The following MALT1 variants were observed in gnomAD, a reference collection of about 807,000 sequenced individuals.
MALT1 encodes MALT1 paracaspase, also known as mucosa-associated lymphoid tissue lymphoma translocation protein 1.
A neutral mutation model predicts 85.5 loss-of-function variants in MALT1; 36 were observed. The observed-to-expected ratio is 0.42, with a 90% confidence interval of 0.32 to 0.56. The LOEUF (loss-of-function observed/expected upper bound fraction) is 0.56, where lower values mean the gene tolerates loss of function less well. Among genes scored for constraint, MALT1 ranks in the 20% least tolerant of loss-of-function variants. The pLI is 0.10. For synonymous variants in MALT1, 359 were observed against 361.3 expected (o/e 0.99, Z 0.07); for missense variants, 716 against 981.6 (o/e 0.73, Z 3.62).
intron 9 of MALT1, among the ~76,000 whole-genome samples, chr18:58,721,888 C>T (rs770533074): frequency 2.6e-5 from 4 of 152,160 alleles, no homozygotes; most frequent in Non-Finnish European, 5.9e-5. Flanking sequence ...TCCTGGCCTG[C>T]GTCAGAGGGG....
At chr18:58,680,812 A>G (rs9955954) in intron 1 of MALT1, among the ~76,000 whole-genome samples, 38,291 of 150,852 alleles carry the variant, frequency 0.25, 4,954 homozygotes, top group Middle Eastern at 0.33. Flanking sequence ...AGTCCCAGCT[A>G]CTCGGGAGGC....
intron 1 of MALT1, among the ~76,000 whole-genome samples, chr18:58,679,109 C>T (rs185629716): frequency 3.1e-4 from 47 of 152,180 alleles, no homozygotes; most frequent in Admixed American, 3.0e-3. Context: ...TTGTACTTTC[C>T]CCTTCTATAA....
intron 2 of MALT1, among the ~76,000 whole-genome samples, chr18:58,682,880 C>G (rs8083455): frequency 0.019 from 2,841 of 152,260 alleles, 81 homozygotes; most frequent in African/African-American, 0.059. Flanking sequence ...TGATAAATGC[C>G]CTATGAATTT....
intron 1 of MALT1, chr18:58,672,148 C>T (rs1020684588): frequency 7.0e-6 from 2 of 284,020 alleles, no homozygotes; most frequent in Non-Finnish European, 1.3e-5. Context: ...GAGGTTGACC[C>T]CGGAGGATAG....
At chr18:58,685,711 C>G (rs1019042846) in intron 2 of MALT1, among the ~76,000 whole-genome samples, 17 of 152,308 alleles carry the variant, frequency 1.1e-4, no homozygotes, top group African/African-American at 4.1e-4. Context: ...ATGGGTTGGC[C>G]AACTTGCCCC....
rs2054582751 is a variant in MALT1 at position 58,696,080 on chromosome 18, CT to C, written c.377-284del. 2.0e-5 allele frequency among the ~76,000 whole-genome samples: 3 copies of C among 152,252 alleles called. No individual in the cohort carries two copies. In the South Asian group the frequency reaches 6.2e-4, roughly 32 times the overall value. ...AGTGTTAGAATATGGGGGAAAAAAG[CT>C]TCTAGAAATTGAAGAAATATGGTAA... On this transcript the variant is annotated intron_variant, in intron 2 of 16. Transcript: ENST00000649217.
intron 16 of MALT1, 31 bp from the exon 17 acceptor site, chr18:58,747,374 C>T (rs764075897): frequency 2.1e-6 from 3 of 1,435,712 alleles, no homozygotes; most frequent in Non-Finnish European, 2.9e-6. Flanking sequence ...CTGTTGATGC[C>T]AATAATAAAC....
intron 3 of MALT1, among the ~76,000 whole-genome samples, chr18:58,697,650 G>C (rs187950497): frequency 8.5e-5 from 13 of 152,292 alleles, no homozygotes; most frequent in Admixed American, 5.9e-4. Context: ...ACTACATTAA[G>C]TATATCATTT....
chr18:58,731,149 C>A (rs2055143391), intron 10 of MALT1, among the ~76,000 whole-genome samples: 1 of 152,160 alleles, frequency 6.6e-6, no homozygotes, highest in South Asian at 2.1e-4. Flanking sequence ...AACGGGGTTT[C>A]ACCATGTTGG....
chr18:58,678,322 T>C (rs1167698742), intron 1 of MALT1, among the ~76,000 whole-genome samples: 1 of 152,252 alleles, frequency 6.6e-6, no homozygotes, highest in Non-Finnish European at 1.5e-5. Context: ...CTGGCACTAT[T>C]ATGTTTCACC....
At chr18:58,721,426 A>G (rs980344446) in intron 9 of MALT1, among the ~76,000 whole-genome samples, 3 of 152,212 alleles carry the variant, frequency 2.0e-5, no homozygotes, top group African/African-American at 7.2e-5. Flanking sequence ...GCTGCCTCCT[A>G]TTGAAATCCA....
intron 2 of MALT1, chr18:58,691,355 C>A: frequency 1.2e-6 from 1 of 848,400 alleles, no homozygotes; most frequent in South Asian, 1.4e-5. Flanking sequence ...TTGCTTTTGG[C>A]ATTGCCCTGG....
At position 58,748,175 on chromosome 18, in the gene MALT1, T is replaced by C. The variant is rs2055397819; in HGVS notation, c.*333T>C. Reference sequence around the variant, plus strand: ...GGCATTATTGTAGAATAAGTCATTGTATTTTTAACACCAGAAAGAACCTTG... The same window carrying C: ...GGCATTATTGTAGAATAAGTCATTGCATTTTTAACACCAGAAAGAACCTTG... On this transcript the variant is annotated 3_prime_UTR_variant, in exon 17 of 17. Coordinates refer to ENST00000649217, the MANE Select transcript of MALT1 (RefSeq NM_006785.4). 7.2e-6 allele frequency: 2 copies of C among 277,230 alleles called. No individual in the cohort carries two copies. Among genetic ancestry groups the C allele is most frequent in the African/African-American group, 4.4e-5 (2 of 45,400 alleles). The allele number at this position is 277,230 out of a possible 1,614,324, so 17.2% of individuals were successfully genotyped here.
Position 58,741,656 on chromosome 18 carries a change from AT to A in MALT1, c.1604-208del, listed in dbSNP as rs1602342089. ...GAATTCAAAAACCTAAAACATTGGC[AT>A]ATACTATTTATGAACACTTACACAC... On this transcript the variant is annotated intron_variant, in intron 13 of 16. Transcript: ENST00000649217. 18 of 363,994 alleles carry A rather than the reference AT, an allele frequency of 4.9e-5. No individual in the cohort carries two copies. The East Asian group carries it at 7.1e-4, about 14-fold the overall frequency. The allele number at this position is 363,994 out of a possible 1,614,324, so 22.5% of individuals were successfully genotyped here.
At chr18:58,727,659 G>A (rs2055083287) in intron 10 of MALT1, among the ~76,000 whole-genome samples, 2 of 140,748 alleles carry the variant, frequency 1.4e-5, no homozygotes, top group Admixed American at 7.2e-5. Context: ...AAAAAGTCAG[G>A]GGGTTTAAAG....
At position 58,696,450 on chromosome 18, in the gene MALT1, CT is replaced by C; in HGVS notation, c.465del (p.Phe155LeufsTer9). On this transcript the variant is annotated frameshift_variant, in exon 3 of 17. Coordinates refer to ENST00000649217, the MANE Select transcript of MALT1 (RefSeq NM_006785.4). LOFTEE classifies it high-confidence loss of function. Reference sequence around the variant, plus strand: ...CTGTGTTGCCGGGCAACTGGACATCCTTTTGTTCAATATCAGTGGTTCAAAA... The same window carrying C: ...CTGTGTTGCCGGGCAACTGGACATCCTTTGTTCAATATCAGTGGTTCAAAA... ...VKLCCRATGH[P>X]FVQYQWFKMN... is the part of the protein sequence containing the mutation. 1 of 1,591,488 alleles carries C rather than the reference CT, an allele frequency of 6.3e-7. No homozygotes were observed. The highest frequency in any genetic ancestry group is 1.8e-5 in the Admixed American group (1 of 57,088).
At position 58,751,951 on chromosome 18, in the gene MALT1, AAAG is replaced by A. The variant is rs896161346; in HGVS notation, c.*4115_*4117del. 3 of 152,250 alleles carry A rather than the reference AAAG, an allele frequency of 2.0e-5. No homozygotes were observed. The highest frequency in any genetic ancestry group is 7.2e-5 in the African/African-American group (3 of 41,460). 9.4% of individuals were successfully genotyped at this position (152,250 alleles called of 1,614,324 possible). Reference sequence around the variant, plus strand: ...AAACGTTTCAGAAAAGAAAGCCTTTAAAGAAGAATCCTGGCACAGAAAAGGTCC... The same window carrying A: ...AAACGTTTCAGAAAAGAAAGCCTTTAAAGAATCCTGGCACAGAAAAGGTCC... On this transcript the variant is annotated 3_prime_UTR_variant, in exon 17 of 17. Coordinates refer to ENST00000649217, the MANE Select transcript of MALT1 (RefSeq NM_006785.4).
At chr18:58,698,169 C>T (rs948412344) in intron 3 of MALT1, among the ~76,000 whole-genome samples, 15 of 150,070 alleles carry the variant, frequency 1.0e-4, no homozygotes, top group African/African-American at 3.2e-4. Flanking sequence ...CCGGTTCAAA[C>T]GATTACCCTG....
chr18:58,683,850 G>A (rs1179179141), intron 2 of MALT1, among the ~76,000 whole-genome samples: 1 of 152,246 alleles, frequency 6.6e-6, no homozygotes, highest in East Asian at 1.9e-4. Context: ...GGAAAGGAAA[G>A]CAGTTTATTT....
Sources: allele counts gnomAD v4.1 joint callset (sites outside exome capture counted in the v4.1 genomes callset), GRCh38; gene constraint gnomAD v4.1.1; transcripts MANE v1.5; gene names NCBI Gene and HGNC (gene_info 2026-07-23, HGNC 2026-07-21).